Variants in EPB41L5 observed in about 807,000 individuals in gnomAD.
EPB41L5 encodes erythrocyte membrane protein band 4.1 like 5, also known as band 4.1-like protein 5.
EPB41L5 carries 55 observed loss-of-function variants against 106.6 expected under a neutral mutation model. That is an observed-to-expected ratio of 0.52 (90% CI 0.42 to 0.65). The LOEUF is 0.65. Ranked by LOEUF, EPB41L5 falls within the 30% of genes least tolerant of loss-of-function variation. The pLI, the probability that EPB41L5 is intolerant of heterozygous loss-of-function variation, is 0.00. For synonymous variants in EPB41L5, 297 were observed against 306.7 expected (o/e 0.97, Z 0.33); for missense variants, 871 against 882.1 (o/e 0.99, Z 0.16).
chr2:120,034,328 G>A (rs1678907164), intron 2 of EPB41L5, among the ~76,000 whole-genome samples: 2 of 152,196 alleles, frequency 1.3e-5, no homozygotes, highest in African/African-American at 2.4e-5. Flanking sequence ...AAGGAGGAGA[G>A]TTATTTTTAA....
At chr2:120,075,355 C>T in intron 5 of EPB41L5, 121 bp from the exon 6 acceptor site, 2 of 754,134 alleles carry the variant, frequency 2.7e-6, no homozygotes, top group African/African-American at 1.8e-5. Flanking sequence ...CTATGCACAT[C>T]TTTTATACAT....
chr2:120,063,075 C>T (rs1681188408), intron 3 of EPB41L5, among the ~76,000 whole-genome samples: 1 of 151,940 alleles, frequency 6.6e-6, no homozygotes, highest in Non-Finnish European at 1.5e-5. Context: ...TGTGGTGGCT[C>T]ACAGCTGTAA....
intron 1 of EPB41L5, among the ~76,000 whole-genome samples, chr2:120,016,543 T>C (rs1042562276): frequency 2.6e-5 from 4 of 152,254 alleles, no homozygotes; most frequent in African/African-American, 9.6e-5. Context: ...CTTGAGTCTT[T>C]AAATGACAGA....
At position 120,100,714 on chromosome 2, in the gene EPB41L5, T is replaced by A. The variant is rs1684090369; in HGVS notation, c.1237T>A (p.Ser413Thr). Reference protein sequence around the residue: ...NGSQQAWGMRSALPVSPSISS... With the variant: ...NGSQQAWGMRTALPVSPSISS... ...TTGTCCAAAGGCTTGGGGGATGAGA[T>A]CTGCTCTGCCTGTGAGTCCTTCCAT... The change falls in exon 16 of 25, where the codon TCT (serine) becomes ACT (threonine). Residue 413 changes from serine (S) to threonine (T), a missense_variant. Physicochemically the swap from Ser to Thr is moderately conservative, Grantham distance 58 (BLOSUM62 1). Transcript: ENST00000263713. 1 of 1,613,894 alleles carries A rather than the reference T, an allele frequency of 6.2e-7. No individual in the cohort carries two copies. The highest frequency in any genetic ancestry group is 2.2e-5 in the East Asian group (1 of 44,852).
At chr2:120,160,814 T>G (rs940192475) in intron 20 of EPB41L5, 67 bp from the exon 21 acceptor site, 24 of 1,163,194 alleles carry the variant, frequency 2.1e-5, no homozygotes, top group African/African-American at 4.6e-5. Flanking sequence ...CCTAAGCCCT[T>G]TCTTTGAAAA....
At chr2:120,117,147 G>C (rs1291070032) in intron 16 of EPB41L5, among the ~76,000 whole-genome samples, 2 of 152,046 alleles carry the variant, frequency 1.3e-5, no homozygotes, top group African/African-American at 4.8e-5. Flanking sequence ...AGTTCTTCTG[G>C]TCTCTTAATC....
rs1678695501 is a variant in EPB41L5 at position 120,031,320 on chromosome 2, G to GA, written c.181-10686_181-10685insA. Among the ~76,000 whole-genome samples, 10 of 152,312 alleles carry GA rather than the reference G, an allele frequency of 6.6e-5. No homozygotes were observed. In the South Asian group the frequency reaches 2.1e-3, roughly 32 times the overall value. ...TGTCTTGATAAATTGGTTCTGTCTA[G>GA]GCAGTGGGCAAGGTGAACCCATTGG... On this transcript the variant is annotated intron_variant, in intron 2 of 24. Transcript: ENST00000263713.
At chr2:120,100,838 A>C (rs759507689) in intron 16 of EPB41L5, 24 bp downstream of exon 16, 1 of 1,432,192 alleles carries the variant, frequency 7.0e-7, no homozygotes, top group Admixed American at 2.0e-5. Context: ...TTAAACTAAA[A>C]TAAAATATTG....
chr2:120,163,258 G>GT (rs1687213804), intron 21 of EPB41L5, among the ~76,000 whole-genome samples: 1 of 87,510 alleles, frequency 1.1e-5, no homozygotes, highest in South Asian at 4.7e-4. Context: ...GTGTCCCTCT[G>GT]CCCCCCCCCC....
At position 120,166,752 on chromosome 2, in the gene EPB41L5, T is replaced by C. The variant is rs1687431004; in HGVS notation, c.1963-714T>C. Among the ~76,000 whole-genome samples the C allele has an allele frequency of 6.6e-5, 10 of 152,266 alleles. No individual in the cohort carries two copies. The South Asian group carries it at 2.1e-3, about 32-fold the overall frequency. On this transcript the variant is annotated intron_variant, in intron 22 of 24. Coordinates refer to ENST00000263713, the MANE Select transcript of EPB41L5 (RefSeq NM_020909.4). ...CGCCCAGCCTGTGTTTTTATTCTTT[T>C]GGTGGTTATCTAATTTACTAATACC... is the stretch of plus-strand genomic sequence containing the variant.
chr2:120,128,593 A>G (rs937546446), intron 17 of EPB41L5, among the ~76,000 whole-genome samples: 1 of 152,212 alleles, frequency 6.6e-6, no homozygotes, highest in Non-Finnish European at 1.5e-5. Context: ...TGTTAGTGAA[A>G]AGTCACACAG....
chr2:120,111,004 G>A (rs909645572), intron 16 of EPB41L5, among the ~76,000 whole-genome samples: 2 of 151,870 alleles, frequency 1.3e-5, no homozygotes, highest in Non-Finnish European at 2.9e-5. Flanking sequence ...CTTAGATTTT[G>A]TTTGTTTCAC....
intron 16 of EPB41L5, among the ~76,000 whole-genome samples, chr2:120,115,610 T>G (rs1377527941): frequency 6.6e-6 from 1 of 152,102 alleles, no homozygotes; most frequent in Non-Finnish European, 1.5e-5. Flanking sequence ...CAGGCTGGTC[T>G]CGAACTCCTG....
chr2:120,013,942 CTAACA>C (rs140266662), intron 1 of EPB41L5, among the ~76,000 whole-genome samples: 1 of 152,352 alleles, frequency 6.6e-6, no homozygotes, highest in East Asian at 1.9e-4. Context: ...AACTCAGTTT[CTAACA>C]TAACCCGTTG....
chr2:120,121,056 G>T (rs560062377), intron 16 of EPB41L5, among the ~76,000 whole-genome samples: 1 of 151,696 alleles, frequency 6.6e-6, no homozygotes, highest in Non-Finnish European at 1.5e-5. Context: ...GGCAGAGGCC[G>T]CAGTGAGCCA....
At chr2:120,024,122 AAC>A (rs752626191) in intron 2 of EPB41L5, among the ~76,000 whole-genome samples, 6 of 152,306 alleles carry the variant, frequency 3.9e-5, no homozygotes, top group Admixed American at 6.5e-5. Flanking sequence ...GTCATCTGCA[AAC>A]AGAGGCAATT....
chr2:120,017,845 T>A (rs1574459772), intron 1 of EPB41L5, among the ~76,000 whole-genome samples: 1 of 152,206 alleles, frequency 6.6e-6, no homozygotes, highest in East Asian at 1.9e-4. Context: ...CCACCCGGGC[T>A]GGAGTGCAGT....
intron 2 of EPB41L5, among the ~76,000 whole-genome samples, chr2:120,034,776 G>T (rs1678937333): frequency 6.6e-6 from 1 of 152,086 alleles, no homozygotes; most frequent in Admixed American, 6.6e-5. Flanking sequence ...GAGCCGAAAG[G>T]ATTCCTTAAG....
At chr2:120,105,391 T>C (rs1223686826) in intron 16 of EPB41L5, 1 of 981,060 alleles carries the variant, frequency 1.0e-6, no homozygotes, top group East Asian at 1.1e-4. Flanking sequence ...TATAAACAGC[T>C]TAACTCATTT....
Sources: gnomAD v4.1 joint callset for allele counts (sites outside exome capture counted in the v4.1 genomes callset) on GRCh38, gnomAD v4.1.1 for gene constraint, MANE v1.5 for transcripts, NCBI Gene and HGNC (gene_info 2026-07-23, HGNC 2026-07-21) for gene names.